COLEC12: variants seen among roughly 807,000 people sequenced by gnomAD.
COLEC12 encodes collectin subfamily member 12.
A neutral mutation model predicts 71.1 loss-of-function variants in COLEC12; 33 were observed. The ratio of observed to expected loss-of-function variants is 0.46; its 90% CI spans 0.35 to 0.62. The LOEUF (loss-of-function observed/expected upper bound fraction) is 0.62, where lower values mean the gene tolerates loss of function less well. Ranked by LOEUF, COLEC12 falls within the 20% of genes least tolerant of loss-of-function variation. The pLI, the probability that COLEC12 is intolerant of heterozygous loss-of-function variation, is 0.00. For synonymous variants in COLEC12, 350 were observed against 353.0 expected (o/e 0.99, Z 0.10); for missense variants, 765 against 916.1 (o/e 0.84, Z 2.13).
chr18:479,308 G>A (rs367568754), intron 2 of COLEC12, among the ~76,000 whole-genome samples: 35 of 152,252 alleles, frequency 2.3e-4, no homozygotes, highest in South Asian at 1.5e-3. Context: ...CACGCGGGCC[G>A]CTCTGCCAGG....
intron 2 of COLEC12, among the ~76,000 whole-genome samples, chr18:449,201 C>T (rs996086288): frequency 1.3e-5 from 2 of 152,124 alleles, no homozygotes; most frequent in African/African-American, 4.8e-5. Flanking sequence ...TTATAGAAGA[C>T]TTTTACTCTC....
chr18:355,187 T>C (rs1305264527), intron 3 of COLEC12, among the ~76,000 whole-genome samples: 1 of 152,298 alleles, frequency 6.6e-6, no homozygotes, highest in East Asian at 1.9e-4. Context: ...AGGTAGTCTC[T>C]TGTCTTCATG....
At chr18:344,963 G>A (rs1445515173) in intron 5 of COLEC12, among the ~76,000 whole-genome samples, 4 of 152,192 alleles carry the variant, frequency 2.6e-5, no homozygotes, top group Non-Finnish European at 2.9e-5. Flanking sequence ...TCTGCTATCC[G>A]GATCTGCCTT....
At chr18:348,482 T>A (rs1479436558) in intron 3 of COLEC12, among the ~76,000 whole-genome samples, 1 of 152,212 alleles carries the variant, frequency 6.6e-6, no homozygotes, top group African/African-American at 2.4e-5. Context: ...CCTAATCTGC[T>A]ATTTCCTATA....
chr18:409,086 T>TCAGCCTC (rs1786866076), intron 2 of COLEC12, among the ~76,000 whole-genome samples: 1 of 150,744 alleles, frequency 6.6e-6, no homozygotes, highest in Admixed American at 6.7e-5. Flanking sequence ...TCCGCCTGCC[T>TCAGCCTC]CAGCCTCCCA....
Position 334,800 on chromosome 18 carries a change from T to G in COLEC12, c.1758A>C (p.Ser586=). The G allele has an allele frequency of 6.6e-7, 1 of 1,504,362 alleles. No individual in the cohort carries two copies. The highest frequency in any genetic ancestry group is 1.3e-5 in the South Asian group (1 of 74,844). The allele number at this position is 1,504,362 out of a possible 1,614,324, so 93.2% of individuals were successfully genotyped here. A position where few individuals can be genotyped will look rare whatever the true frequency, so the allele number is the denominator to read the frequency against. The stretch of plus-strand genomic sequence containing the variant: ...GCAGGGCCAGGGGCACCACCGCTCC[T>G]GATGGGCCAGGAGGGCCGGGGGGGC... The part of the protein sequence containing the change: ...PKGPPGPPGP[S]GAVVPLALQN... The change falls in exon 6 of 10, where the codon TCA becomes TCC. Residue 586 remains serine (S), a synonymous_variant. Coordinates refer to ENST00000400256, the MANE Select transcript of COLEC12 (RefSeq NM_130386.3).
chr18:455,596 TTTTAGGCCCTGCATGC>T (rs1243049746), intron 2 of COLEC12, among the ~76,000 whole-genome samples: 9 of 151,932 alleles, frequency 5.9e-5, no homozygotes, highest in Non-Finnish European at 2.9e-5. Flanking sequence ...ATCATCTAGG[TTTTAGGCCCTGCATGC>T]ATTAGGTATT....
chr18:349,695 G>A (rs1173556218), intron 3 of COLEC12, among the ~76,000 whole-genome samples: 1 of 152,226 alleles, frequency 6.6e-6, no homozygotes, highest in East Asian at 1.9e-4. Context: ...AGCCACAGGG[G>A]TGGAGCTGCC....
rs376043696 is a variant in COLEC12, at chr18:347,213, C to T, written c.409G>A (p.Glu137Lys). Residue 137 changes from glutamate (E) to lysine (K), a missense_variant, in exon 5 of 10, where the codon GAG (glutamate) becomes AAG (lysine). Transcript: ENST00000400256. ...EKTSKNKDTLEKLQASGDALV... is the reference protein window; with the variant it reads ...EKTSKNKDTLKKLQASGDALV... ...GCATCCCCGCTCGCCTGTAACTTCT[C>T]CAGCGTATCCTTGTTCTTGCTGGTT... The T allele has an allele frequency of 5.0e-6, 8 of 1,614,052 alleles. No homozygotes were observed. In the East Asian group the frequency reaches 6.7e-5, roughly 13 times the overall value.
rs1913596498 is a variant in COLEC12, at chr18:318,168, G to A, written c.*1877C>T. On this transcript the variant is annotated 3_prime_UTR_variant, in exon 10 of 10. Transcript: ENST00000400256. Reference sequence around the variant, plus strand: ...ATTTTTTTTTTGTATTTTTAGTAGAGACGGGGTTTCACCGTGTTAGCCAGG... The same window carrying A: ...ATTTTTTTTTTGTATTTTTAGTAGAAACGGGGTTTCACCGTGTTAGCCAGG... 1 of 151,728 alleles carries A rather than the reference G, an allele frequency of 6.6e-6. No individual in the cohort carries two copies. The highest frequency in any genetic ancestry group is 1.5e-5 in the Non-Finnish European group (1 of 67,956). The allele number at this position is 151,728 out of a possible 1,614,324, so 9.4% of individuals were successfully genotyped here.
chr18:368,077 T>C (rs1161772286), intron 2 of COLEC12, among the ~76,000 whole-genome samples: 1 of 152,200 alleles, frequency 6.6e-6, no homozygotes, highest in Non-Finnish European at 1.5e-5. Context: ...AGGCATGCAA[T>C]GAATTATGGC....
At position 319,055 on chromosome 18, in the gene COLEC12, G is replaced by A. The variant is rs972345945; in HGVS notation, c.*990C>T. On this transcript the variant is annotated 3_prime_UTR_variant, in exon 10 of 10. Coordinates refer to ENST00000400256, the MANE Select transcript of COLEC12 (RefSeq NM_130386.3). ...GCCATGACACAGGGCCTTCCAGATA[G>A]GCCAGATTCAGTGCCCTTCCCAACA... 5 of 152,012 alleles carry A rather than the reference G, an allele frequency of 3.3e-5. No individual in the cohort carries two copies. The highest frequency in any genetic ancestry group is 4.8e-5 in the African/African-American group (2 of 41,368). The allele number at this position is 152,012 out of a possible 1,614,324, so 9.4% of individuals were successfully genotyped here. A position where few individuals can be genotyped will look rare whatever the true frequency, so the allele number is the denominator to read the frequency against.
chr18:380,587 A>G (rs904530464), intron 2 of COLEC12, among the ~76,000 whole-genome samples: 2 of 152,158 alleles, frequency 1.3e-5, no homozygotes, highest in Admixed American at 1.3e-4. Flanking sequence ...ACATTTAATT[A>G]CACACACTCA....
intron 2 of COLEC12, among the ~76,000 whole-genome samples, chr18:359,831 T>C (rs114022684): frequency 0.012 from 1,875 of 152,332 alleles, 38 homozygotes; most frequent in African/African-American, 0.043. Flanking sequence ...GATGGGTAAG[T>C]CATGAGGATT....
intron 2 of COLEC12, among the ~76,000 whole-genome samples, chr18:473,700 C>G (rs1438733093): frequency 6.6e-6 from 1 of 152,218 alleles, no homozygotes; most frequent in African/African-American, 2.4e-5. Context: ...CAGAGTCTGT[C>G]TGTCTTAAGT....
chr18:456,861 A>T (rs993255477), intron 2 of COLEC12, among the ~76,000 whole-genome samples: 1 of 152,042 alleles, frequency 6.6e-6, no homozygotes, highest in Non-Finnish European at 1.5e-5. Context: ...GCAAAAACAA[A>T]ATCCGGGTGG....
chr18:413,591 A>T (rs1221057840), intron 2 of COLEC12, among the ~76,000 whole-genome samples: 1 of 152,242 alleles, frequency 6.6e-6, no homozygotes, highest in Non-Finnish European at 1.5e-5. Flanking sequence ...TCGGAGGCCA[A>T]GGCAGGAGAA....
chr18:374,615 G>A (rs1271825773), intron 2 of COLEC12, among the ~76,000 whole-genome samples: 1 of 152,152 alleles, frequency 6.6e-6, no homozygotes, highest in Admixed American at 6.5e-5. Context: ...TTTCCCACCA[G>A]AATTTGTATA....
Position 335,507 on chromosome 18 carries a change from T to G in COLEC12, c.1328-277A>C, listed in dbSNP as rs377411919. ...CAGAGGTCATCGAGTTAAAACGAGG[T>G]GACATGAGTGACCCTAATCCAATAG... On this transcript the variant is annotated intron_variant, in intron 5 of 9. Transcript: ENST00000400256. 3.3e-5 allele frequency among the ~76,000 whole-genome samples: 5 copies of G among 151,910 alleles called. No individual in the cohort carries two copies. The East Asian group carries it at 9.7e-4, about 30-fold the overall frequency.
Sources: gnomAD v4.1 joint callset for allele counts (sites outside exome capture counted in the v4.1 genomes callset) on GRCh38, gnomAD v4.1.1 for gene constraint, MANE v1.5 for transcripts, NCBI Gene and HGNC (gene_info 2026-07-23, HGNC 2026-07-21) for gene names.